The following EPG5 variants were observed in gnomAD, a reference collection of about 807,000 sequenced individuals.
EPG5 encodes ectopic P-granules 5 autophagy tethering factor.
Under a neutral mutation model 302.7 loss-of-function variants are expected in EPG5, and 159 were observed. The observed-to-expected ratio is 0.53, with a 90% CI of 0.46 to 0.60. EPG5 has a LOEUF of 0.60. EPG5 is among the 20% of genes least tolerant of loss of function. The pLI is 0.00. For missense variants in EPG5, 2,896 were observed against 3,092.4 expected, an observed-to-expected ratio of 0.94 and a Z score of 1.51; for synonymous variants, 1,158 against 1,136.8, an observed-to-expected ratio of 1.02 and a Z score of -0.37.
chr18:45,935,051 A>C (rs1349479843), intron 10 of EPG5, 85 bp from the exon 11 acceptor site: 1 of 1,339,292 alleles, frequency 7.5e-7, no homozygotes, highest in Non-Finnish European at 1.0e-6. Flanking sequence ...TCAAGGAAAA[A>C]AAGATTCTTA....
chr18:45,810,121 T>A, the EPG5 span, among the ~76,000 whole-genome samples: 7 of 152,250 alleles, frequency 4.6e-5, no homozygotes, highest in African/African-American at 1.7e-4. Context: ...CTAGAAGAGA[T>A]GGATAAATTC....
chr18:45,930,181 T>C (rs1171467000), intron 12 of EPG5, among the ~76,000 whole-genome samples: 2 of 152,206 alleles, frequency 1.3e-5, no homozygotes, highest in Admixed American at 1.3e-4. Context: ...CAGCCTGTAA[T>C]TTCATATTAT....
chr18:45,962,857 ACT>A (rs1171980810), intron 1 of EPG5, among the ~76,000 whole-genome samples: 1 of 152,058 alleles, frequency 6.6e-6, no homozygotes, highest in Non-Finnish European at 1.5e-5. Flanking sequence ...GCATCAATTG[ACT>A]CTAAAAAAAA....
chr18:45,825,659 G>A, the EPG5 span: 20 of 1,552,066 alleles, frequency 1.3e-5, 2 homozygotes, highest in South Asian at 1.5e-4. Context: ...CCCCCACCAC[G>A]CCTGGGAGGG....
At chr18:45,932,285 C>A (rs1769697816) in intron 11 of EPG5, among the ~76,000 whole-genome samples, 1 of 152,042 alleles carries the variant, frequency 6.6e-6, no homozygotes, top group Non-Finnish European at 1.5e-5. Flanking sequence ...ACTATAAGGA[C>A]AAACACATTT....
chr18:45,963,546 G>A (rs1219366969), intron 1 of EPG5, among the ~76,000 whole-genome samples: 2 of 152,178 alleles, frequency 1.3e-5, no homozygotes, highest in Admixed American at 6.5e-5. Context: ...TGAAGCTGGA[G>A]AATCGCTTGA....
At chr18:45,939,159 C>T (rs1054819603) in intron 10 of EPG5, among the ~76,000 whole-genome samples, 4 of 152,200 alleles carry the variant, frequency 2.6e-5, no homozygotes, top group Non-Finnish European at 5.9e-5. Context: ...GACAGGGAAC[C>T]AAGATCCATG....
chr18:45,875,635 G>C (rs1425881209), intron 35 of EPG5, among the ~76,000 whole-genome samples: 2 of 152,048 alleles, frequency 1.3e-5, no homozygotes, highest in African/African-American at 2.4e-5. Flanking sequence ...ATGAAAAAGA[G>C]GTTAAGAGTT....
intron 9 of EPG5, among the ~76,000 whole-genome samples, chr18:45,942,323 C>T (rs1232876348): frequency 6.6e-6 from 1 of 152,154 alleles, no homozygotes; most frequent in African/African-American, 2.4e-5. Context: ...ATGAATTAGG[C>T]CAGGCACGGT....
At chr18:45,858,818 A>G in intron 40 of EPG5, 36 bp from the exon 41 acceptor site, 1 of 1,485,874 alleles carries the variant, frequency 6.7e-7, no homozygotes, top group Non-Finnish European at 9.4e-7. Flanking sequence ...AGATATAGGC[A>G]AGAATCCAAT....
the EPG5 span, among the ~76,000 whole-genome samples, chr18:45,820,090 G>A: frequency 2.6e-5 from 4 of 152,118 alleles, no homozygotes; most frequent in Admixed American, 6.5e-5. Flanking sequence ...GACACAATAT[G>A]GCCTTTCCCA....
intron 29 of EPG5, among the ~76,000 whole-genome samples, chr18:45,886,585 C>T (rs11665273): frequency 0.18 from 26,929 of 152,096 alleles, 2,663 homozygotes; most frequent in Admixed American, 0.3. Context: ...GTCAGTATTT[C>T]TAGGTAGTTA....
At chr18:45,919,733 C>T (rs994617766) in intron 16 of EPG5, among the ~76,000 whole-genome samples, 10 of 151,900 alleles carry the variant, frequency 6.6e-5, no homozygotes, top group Non-Finnish European at 1.2e-4. Context: ...AGGATGGTCT[C>T]GATCTCCTGA....
intron 30 of EPG5, among the ~76,000 whole-genome samples, chr18:45,883,614 GTTT>G (rs1174930322): frequency 1.6e-5 from 1 of 60,718 alleles, no homozygotes; most frequent in Non-Finnish European, 3.4e-5. Flanking sequence ...CTAGCCTGGT[GTTT>G]TTTTTTTTTT....
intron 30 of EPG5, among the ~76,000 whole-genome samples, chr18:45,883,451 T>C (rs1318877305): frequency 1.4e-5 from 2 of 144,156 alleles, no homozygotes; most frequent in Admixed American, 1.4e-4. Context: ...CCTAAAATTG[T>C]CAAGGTTGTC....
Position 45,850,771 on chromosome 18 carries a change from C to T in EPG5, c.*1696G>A, listed in dbSNP as rs2048412952. On this transcript the variant is annotated 3_prime_UTR_variant, in exon 44 of 44. Transcript: ENST00000282041. ...TCAAAAATTTCACATCCTAGGATAT[C>T]AGTAATTATATCCTCCTCAAAGAAA... The T allele has an allele frequency of 6.6e-6, 1 of 152,574 alleles. No homozygotes were observed. Among genetic ancestry groups the T allele is most frequent in the South Asian group, 2.1e-4 (1 of 4,828 alleles). 9.5% of individuals were successfully genotyped at this position (152,574 alleles called of 1,614,324 possible). A position where few individuals can be genotyped will look rare whatever the true frequency, so the allele number is the denominator to read the frequency against.
intron 40 of EPG5, 89 bp from the exon 41 acceptor site, chr18:45,858,871 A>ATT (rs139942774): frequency 7.0e-4 from 585 of 832,770 alleles, no homozygotes; most frequent in Non-Finnish European, 9.1e-4. Context: ...AAGCTTCATG[A>ATT]TTTTTTTTTT....
chr18:45,828,976 G>C, the EPG5 span: 1 of 476,022 alleles, frequency 2.1e-6, no homozygotes, highest in Non-Finnish European at 2.7e-6. Flanking sequence ...CCCAGTGGCT[G>C]TTGTGAGCAG....
chr18:45,819,284 A>T, the EPG5 span, among the ~76,000 whole-genome samples: 1 of 152,266 alleles, frequency 6.6e-6, no homozygotes, highest in South Asian at 2.1e-4. Flanking sequence ...TAGTTTTCCC[A>T]GTACCAATTA....
Sources: gnomAD v4.1 joint callset for allele counts (sites outside exome capture counted in the v4.1 genomes callset) on GRCh38, gnomAD v4.1.1 for gene constraint, MANE v1.5 for transcripts, NCBI Gene and HGNC (gene_info 2026-07-23, HGNC 2026-07-21) for gene names.